ARHGAP24: variants seen among roughly 807,000 people sequenced by gnomAD.
ARHGAP24 encodes the protein rho GTPase-activating protein 24.
In ARHGAP24, 50 loss-of-function variants were observed where a neutral mutation model predicts 76.4. That is an observed-to-expected ratio of 0.65 (90% confidence interval 0.52 to 0.83). The LOEUF is 0.83. ARHGAP24 is among the 40% of genes least tolerant of loss of function. The pLI is 0.00. For missense variants in ARHGAP24, 930 were observed against 914.2 expected, an observed-to-expected ratio of 1.02 and a Z score of -0.22; for synonymous variants, 345 against 323.3, an observed-to-expected ratio of 1.07 and a Z score of -0.72.
At chr4:85,954,130 AC>A (rs1484283189) in intron 5 of ARHGAP24, among the ~76,000 whole-genome samples, 19 of 152,212 alleles carry the variant, frequency 1.2e-4, no homozygotes, top group Non-Finnish European at 1.6e-4. Context: ...CCCAAACATA[AC>A]AAGAAAAAAA....
intron 3 of ARHGAP24, among the ~76,000 whole-genome samples, chr4:85,871,254 A>C (rs1732509734): frequency 6.6e-6 from 1 of 152,200 alleles, no homozygotes; most frequent in Non-Finnish European, 1.5e-5. Flanking sequence ...GAAATAATAC[A>C]AAATTATGAA....
intron 1 of ARHGAP24, among the ~76,000 whole-genome samples, chr4:85,510,161 C>T (rs1056489507): frequency 1.3e-5 from 2 of 152,080 alleles, no homozygotes; most frequent in African/African-American, 4.8e-5. Context: ...TCTTTTGTTT[C>T]AGAGAAAAGA....
chr4:85,706,220 T>C (rs1724302423), intron 2 of ARHGAP24, among the ~76,000 whole-genome samples: 2 of 152,000 alleles, frequency 1.3e-5, no homozygotes, highest in South Asian at 4.1e-4. Flanking sequence ...GAAATTCTTT[T>C]TTTTGATGGA....
intron 5 of ARHGAP24, among the ~76,000 whole-genome samples, chr4:85,944,818 T>C (rs895894284): frequency 6.6e-6 from 1 of 152,190 alleles, no homozygotes; most frequent in African/African-American, 2.4e-5. Flanking sequence ...GACATGAATA[T>C]CATCATTAAA....
intron 2 of ARHGAP24, among the ~76,000 whole-genome samples, chr4:85,586,671 G>A (rs891650953): frequency 2.6e-5 from 4 of 152,160 alleles, no homozygotes; most frequent in East Asian, 3.9e-4. Flanking sequence ...AGGCTGAGGC[G>A]GGTGAATCAC....
intron 3 of ARHGAP24, among the ~76,000 whole-genome samples, chr4:85,775,642 T>C (rs1253434797): frequency 6.6e-6 from 1 of 152,128 alleles, no homozygotes; most frequent in African/African-American, 2.4e-5. Context: ...GGAGCTACAA[T>C]TCAAGATGAG....
chr4:85,753,403 T>G (rs190199138), intron 3 of ARHGAP24, among the ~76,000 whole-genome samples: 205 of 152,320 alleles, frequency 1.3e-3, no homozygotes, highest in African/African-American at 4.7e-3. Flanking sequence ...GACAGTTAGG[T>G]AGTCATTCTG....
intron 4 of ARHGAP24, chr4:85,930,702 C>T (rs1322900364): frequency 5.0e-6 from 6 of 1,203,614 alleles, no homozygotes; most frequent in Admixed American, 8.6e-5. Context: ...ACCTTAAAAA[C>T]TCCCTGGATT....
At chr4:85,674,392 T>A (rs1163905254) in intron 2 of ARHGAP24, among the ~76,000 whole-genome samples, 1 of 152,248 alleles carries the variant, frequency 6.6e-6, no homozygotes, top group Non-Finnish European at 1.5e-5. Flanking sequence ...TGCACTCATC[T>A]TTTAGGGAGA....
chr4:85,777,352 T>C lies in ARHGAP24; in HGVS notation c.268+55380T>C, dbSNP rs1224029385. On this transcript the variant is annotated intron_variant, in intron 3 of 9. Coordinates refer to ENST00000395184, the MANE Select transcript of ARHGAP24 (RefSeq NM_001025616.3). Reference sequence around the variant, plus strand: ...AACAGTGCATTTCTGAATTAAAGAATAGGTAACAGTTTGAAAATAGGCCTT... The same window carrying C: ...AACAGTGCATTTCTGAATTAAAGAACAGGTAACAGTTTGAAAATAGGCCTT... Among the ~76,000 whole-genome samples, 23 of 152,154 alleles carry C rather than the reference T, an allele frequency of 1.5e-4. 1 individual carries two copies. The highest frequency in any genetic ancestry group is 2.9e-5 in the Non-Finnish European group (2 of 67,996).
At chr4:85,532,293 T>A (rs552442461) in intron 1 of ARHGAP24, among the ~76,000 whole-genome samples, 1 of 152,128 alleles carries the variant, frequency 6.6e-6, no homozygotes. Context: ...TTAAATGTAG[T>A]GACTTCAAGG....
intron 3 of ARHGAP24, among the ~76,000 whole-genome samples, chr4:85,901,780 C>T (rs1413498793): frequency 6.6e-6 from 1 of 151,888 alleles, no homozygotes; most frequent in Non-Finnish European, 1.5e-5. Context: ...AAGAGATGGT[C>T]TGGTCTGTTG....
intron 3 of ARHGAP24, chr4:85,722,270 C>G (rs889603687): frequency 4.6e-5 from 16 of 351,330 alleles, no homozygotes; most frequent in Non-Finnish European, 7.0e-5. Flanking sequence ...TTTGATTTTA[C>G]AGCGCTCTTG....
At chr4:85,532,279 T>A (rs1362576770) in intron 1 of ARHGAP24, among the ~76,000 whole-genome samples, 1 of 152,122 alleles carries the variant, frequency 6.6e-6, no homozygotes, top group East Asian at 1.9e-4. Context: ...TTACTCTAGA[T>A]GGCTTAAATG....
intron 3 of ARHGAP24, among the ~76,000 whole-genome samples, chr4:85,729,491 G>A (rs990827735): frequency 3.3e-5 from 5 of 152,038 alleles, no homozygotes; most frequent in East Asian, 1.9e-4. Flanking sequence ...CATACATTTG[G>A]GGCATTTACG....
intron 3 of ARHGAP24, among the ~76,000 whole-genome samples, chr4:85,852,948 G>A (rs866924261): frequency 5.7e-4 from 87 of 152,220 alleles, no homozygotes; most frequent in African/African-American, 2.0e-3. Flanking sequence ...ACTTGAGGAG[G>A]CAGTCTGTCC....
intron 2 of ARHGAP24, among the ~76,000 whole-genome samples, chr4:85,634,830 C>G (rs1193069538): frequency 6.6e-6 from 1 of 151,840 alleles, no homozygotes; most frequent in Non-Finnish European, 1.5e-5. Context: ...TGCCTTTCTA[C>G]TTTACTTAAA....
At chr4:85,735,327 C>G (rs563488026) in intron 3 of ARHGAP24, among the ~76,000 whole-genome samples, 1 of 152,304 alleles carries the variant, frequency 6.6e-6, no homozygotes, top group East Asian at 1.9e-4. Flanking sequence ...TGTTTTGCTT[C>G]TTTTTGCAAC....
chr4:85,792,902 C>A (rs1728190530), intron 3 of ARHGAP24, among the ~76,000 whole-genome samples: 1 of 152,116 alleles, frequency 6.6e-6, no homozygotes. Context: ...TTTAATTAGG[C>A]TCAAAAATGT....
Sources: allele counts gnomAD v4.1 joint callset (sites outside exome capture counted in the v4.1 genomes callset), GRCh38; gene constraint gnomAD v4.1.1; transcripts MANE v1.5; gene names NCBI Gene and HGNC (gene_info 2026-07-23, HGNC 2026-07-21).